Variants in ERCC6 observed in about 807,000 individuals in gnomAD.
The protein encoded by ERCC6 is DNA excision repair protein ERCC-6.
ERCC6 carries 116 observed loss-of-function variants against 158.7 expected under a neutral mutation model. The observed-to-expected ratio is 0.73, with a 90% CI of 0.63 to 0.85. ERCC6 has a LOEUF of 0.85. Among genes scored for constraint, ERCC6 ranks in the 40% least tolerant of loss-of-function variants. The pLI is 0.00. For missense variants in ERCC6, 1,698 were observed against 1,799.4 expected (o/e 0.94, Z 1.02); for synonymous variants, 678 against 659.3 (o/e 1.03, Z -0.43).
chr10:49,516,306 TC>T (rs1564437100), intron 5 of ERCC6: 1 of 1,614,160 alleles, frequency 6.2e-7, no homozygotes, highest in East Asian at 2.2e-5. Context: ...CATGAATTCA[TC>T]AAAGCTGAAA....
At position 49,525,188 on chromosome 10, in the gene ERCC6, C is replaced by T. The variant is rs559606554; in HGVS notation, c.653-411G>A. On this transcript the variant is annotated intron_variant, in intron 4 of 20. Transcript: ENST00000355832. ...ACCAACATTCAGATGGACTTAAATT[C>T]AAGAGACAGTAAAACCAAAAACAGG... 9.6e-4 allele frequency: 204 copies of T among 213,140 alleles called. 1 individual carries two copies. Among genetic ancestry groups the T allele is most frequent in the African/African-American group, 4.7e-3 (199 of 42,452 alleles). The allele number at this position is 213,140 out of a possible 1,614,324, so 13.2% of individuals were successfully genotyped here.
chr10:49,538,930 C>T (rs1384808853), intron 1 of ERCC6, 32 bp downstream of exon 1: 1 of 152,574 alleles, frequency 6.6e-6, no homozygotes, highest in Non-Finnish European at 1.5e-5. Flanking sequence ...CACCCCCTGC[C>T]CGACATTCGG....
chr10:49,509,244 T>A (rs1444449474), intron 5 of ERCC6, among the ~76,000 whole-genome samples: 2 of 152,196 alleles, frequency 1.3e-5, no homozygotes, highest in Admixed American at 1.3e-4. Context: ...GAACCTAGAT[T>A]AGGAAGTGCT....
chr10:49,496,578 C>A (rs539341530), intron 7 of ERCC6, among the ~76,000 whole-genome samples: 1 of 152,096 alleles, frequency 6.6e-6, no homozygotes, highest in African/African-American at 2.4e-5. Flanking sequence ...GAGGCCGAGG[C>A]GGGTGGATCA....
Position 49,500,680 on chromosome 10 carries a change from C to T in ERCC6, c.1543G>A (p.Val515Ile), listed in dbSNP as rs1337929506. The change falls in exon 7 of 21, where the codon GTT becomes ATT. Residue 515 changes from valine (V) to isoleucine (I), a missense_variant. Physicochemically the swap from Val to Ile is conservative, Grantham distance 29. Transcript: ENST00000355832. ...CAGTGCAATTCCCACAGCCACCTAACACCTGTCTGCTGGTACCTATGACAA... is the reference window on the plus strand; with the variant it reads ...CAGTGCAATTCCCACAGCCACCTAATACCTGTCTGCTGGTACCTATGACAA... ...KKLFKYQQTG[V>I]RWLWELHCQQ... The T allele has an allele frequency of 1.2e-6, 2 of 1,613,724 alleles. No homozygotes were observed. Among genetic ancestry groups the T allele is most frequent in the African/African-American group, 1.3e-5 (1 of 74,912 alleles).
At chr10:49,460,107 C>T (rs1033284486) in intron 20 of ERCC6, 8 of 520,952 alleles carry the variant, frequency 1.5e-5, no homozygotes, top group East Asian at 3.6e-5. Context: ...GTCCTAGCAG[C>T]GACACACCTA....
chr10:49,502,804 G>A (rs1458330522), intron 6 of ERCC6: 1 of 152,154 alleles, frequency 6.6e-6, no homozygotes, highest in Non-Finnish European at 1.5e-5. Flanking sequence ...ATACTGCACA[G>A]GACAGTCCCC....
the ERCC6 span, among the ~76,000 whole-genome samples, chr10:49,443,322 G>C: frequency 6.6e-6 from 1 of 151,984 alleles, no homozygotes; most frequent in Non-Finnish European, 1.5e-5. Context: ...AAAAGTACAC[G>C]CAAAAAAACT....
chr10:49,449,240 T>A (rs142542175), downstream of ERCC6, among the ~76,000 whole-genome samples: 666 of 152,356 alleles, frequency 4.4e-3, 3 homozygotes, highest in Non-Finnish European at 7.0e-3. Flanking sequence ...ATGTCAAGCA[T>A]CTTTTCATGT....
downstream of ERCC6, among the ~76,000 whole-genome samples, chr10:49,449,373 G>A (rs531477726): frequency 6.6e-6 from 1 of 152,148 alleles, no homozygotes; most frequent in South Asian, 2.1e-4. Context: ...TCTGTAGGTT[G>A]TCTTTTCCCT....
intron 9 of ERCC6, 38 bp downstream of exon 9, chr10:49,483,308 C>A (rs1297818647): frequency 6.3e-7 from 1 of 1,598,980 alleles, no homozygotes; most frequent in Non-Finnish European, 8.6e-7. Context: ...AATTATTCTT[C>A]TCCACTTGGA....
In ERCC6 at chr10:49,459,246, A is replaced by G; in HGVS notation, c.4063-12T>C. ...TTCATGATGCCATCCTATAAAAAGA[A>G]GACCACTATACTGATATATTTAATT... On this transcript the variant is annotated splice_polypyrimidine_tract_variant and intron_variant, in intron 20 of 20. Coordinates refer to ENST00000355832, the MANE Select transcript of ERCC6 (RefSeq NM_000124.4). 6.2e-7 allele frequency: 1 copy of G among 1,613,454 alleles called. No individual in the cohort carries two copies.
At position 49,458,194 on chromosome 10, in the gene ERCC6, G is replaced by A. The variant is rs759325671; in HGVS notation, c.*621C>T. 1 of 153,104 alleles carries A rather than the reference G, an allele frequency of 6.5e-6. No homozygotes were observed. Among genetic ancestry groups the A allele is most frequent in the Non-Finnish European group, 1.5e-5 (1 of 68,842 alleles). 9.5% of individuals were successfully genotyped at this position (153,104 alleles called of 1,614,324 possible). A position where few individuals can be genotyped will look rare whatever the true frequency, so the allele number is the denominator to read the frequency against. The stretch of plus-strand genomic sequence containing the variant: ...ACCCTACAGCTTTCCACAAATACAT[G>A]TCTTATCATTTATTACCATACTATT... On this transcript the variant is annotated 3_prime_UTR_variant, in exon 21 of 21. Coordinates refer to ENST00000355832, the MANE Select transcript of ERCC6 (RefSeq NM_000124.4).
chr10:49,531,921 C>A (rs1837478688), intron 2 of ERCC6, among the ~76,000 whole-genome samples: 1 of 152,184 alleles, frequency 6.6e-6, no homozygotes, highest in African/African-American at 2.4e-5. Context: ...CTTCCCCTCT[C>A]CTGTCCTCAC....
chr10:49,505,072 A>G (rs2132581136), intron 6 of ERCC6: 1 of 152,262 alleles, frequency 6.6e-6, no homozygotes, highest in East Asian at 1.9e-4. Flanking sequence ...GCTCCCAACT[A>G]CAAATTGATT....
intron 16 of ERCC6, 106 bp downstream of exon 16, chr10:49,472,270 A>G: frequency 1.0e-6 from 1 of 986,184 alleles, no homozygotes; most frequent in Non-Finnish European, 1.6e-6. Flanking sequence ...AGTTATAGCA[A>G]CTATTATTCT....
At chr10:49,446,623 C>T in the ERCC6 span, among the ~76,000 whole-genome samples, 2 of 151,960 alleles carry the variant, frequency 1.3e-5, no homozygotes, top group Non-Finnish European at 2.9e-5. Context: ...AAAAAATTTT[C>T]AAACTTCAGC....
At chr10:49,496,100 A>T (rs7920256) in intron 7 of ERCC6, among the ~76,000 whole-genome samples, 1 of 151,852 alleles carries the variant, frequency 6.6e-6, no homozygotes, top group Admixed American at 6.6e-5. Flanking sequence ...CCTTCCTCCA[A>T]TCGACCTTCA....
At chr10:49,465,426 G>T (rs1251133800) in intron 18 of ERCC6, among the ~76,000 whole-genome samples, 1 of 152,196 alleles carries the variant, frequency 6.6e-6, no homozygotes, top group Non-Finnish European at 1.5e-5. Context: ...TCTGGACTGT[G>T]GACTTTTGAG....
Sources: gnomAD v4.1 joint callset for allele counts (sites outside exome capture counted in the v4.1 genomes callset) on GRCh38, gnomAD v4.1.1 for gene constraint, MANE v1.5 for transcripts, NCBI Gene and HGNC (gene_info 2026-07-23, HGNC 2026-07-21) for gene names.